The following KLK5 variants were observed in gnomAD, a reference collection of about 807,000 sequenced individuals.
KLK5 encodes the protein kallikrein related peptidase 5.
In KLK5, 18 loss-of-function variants were observed where a neutral mutation model predicts 24.0. The observed-to-expected ratio is 0.75, with a 90% confidence interval of 0.52 to 1.11. The LOEUF (loss-of-function observed/expected upper bound fraction) is 1.11. Among genes scored for constraint, KLK5 ranks in the 50% most tolerant of loss-of-function variants. KLK5 has a pLI of 0.00. For synonymous variants in KLK5, 140 were observed against 154.0 expected (o/e 0.91, Z 0.67); for missense variants, 374 against 379.2 (o/e 0.99, Z 0.11).
chr19:50,946,794 A>C lies in KLK5; in HGVS notation c.726+1846T>G, dbSNP rs542092594. 1.6e-3 allele frequency among the ~76,000 whole-genome samples: 250 copies of C among 151,954 alleles called. 1 individual carries two copies. The highest frequency in any genetic ancestry group is 2.9e-3 in the Non-Finnish European group (195 of 67,944). ...CAGGATGGTCTCCATCTCCTGACCT[A>C]GTGATCCACCCGCCTCGGCCTCCCA... On this transcript the variant is annotated intron_variant, in intron 5 of 5. Transcript: ENST00000336334.
chr19:50,944,503 C>T (rs1487923864), intron 5 of KLK5, among the ~76,000 whole-genome samples: 1 of 152,132 alleles, frequency 6.6e-6, no homozygotes, highest in Non-Finnish European at 1.5e-5. Flanking sequence ...ACTCTCCCCT[C>T]CAGCCTGTGC....
intron 2 of KLK5, 126 bp from the exon 3 acceptor site, chr19:50,950,242 G>A: frequency 2.3e-6 from 2 of 877,722 alleles, no homozygotes; most frequent in Non-Finnish European, 1.8e-6. Context: ...CAGGGGCAGG[G>A]CCTGGAGAAT....
intron 5 of KLK5, among the ~76,000 whole-genome samples, chr19:50,946,620 T>G (rs1019702772): frequency 6.6e-6 from 1 of 151,810 alleles, no homozygotes; most frequent in Non-Finnish European, 1.5e-5. Flanking sequence ...AGTGCAGTGG[T>G]GCAACCTCGG....
intron 2 of KLK5, among the ~76,000 whole-genome samples, chr19:50,951,285 C>G (rs1441038898): frequency 1.3e-5 from 2 of 149,282 alleles, no homozygotes; most frequent in Non-Finnish European, 3.0e-5. Flanking sequence ...TTCTTTTTTT[C>G]TTTCGAGACG....
chr19:50,946,956 C>T (rs2090641384), intron 5 of KLK5, among the ~76,000 whole-genome samples: 2 of 149,838 alleles, frequency 1.3e-5, no homozygotes, highest in South Asian at 2.2e-4. Context: ...GGAGGTGTTG[C>T]ATTTGTCAGG....
chr19:50,943,554 G>A lies in KLK5; in HGVS notation c.*77C>T, dbSNP rs2090606475. ...GAACATTCTCAACATCTCTGGGAAG[G>A]AATGAGGGTCTGAAAGGAGTGTCAG... On this transcript the variant is annotated 3_prime_UTR_variant, in exon 6 of 6. Transcript: ENST00000336334. 2 of 1,319,296 alleles carry A rather than the reference G, an allele frequency of 1.5e-6. No individual in the cohort carries two copies. Among genetic ancestry groups the A allele is most frequent in the African/African-American group, 2.9e-5 (2 of 69,138 alleles). The allele number at this position is 1,319,296 out of a possible 1,614,324, so 81.7% of individuals were successfully genotyped here.
intron 5 of KLK5, among the ~76,000 whole-genome samples, chr19:50,945,737 G>A (rs1332641727): frequency 6.6e-6 from 1 of 151,786 alleles, no homozygotes; most frequent in African/African-American, 2.4e-5. Flanking sequence ...GCTGCAGTGA[G>A]CTGATATGGT....
chr19:50,951,610 A>G (rs2090688524), intron 2 of KLK5, among the ~76,000 whole-genome samples: 1 of 152,050 alleles, frequency 6.6e-6, no homozygotes, highest in Non-Finnish European at 1.5e-5. Context: ...CACCACCATC[A>G]TTCACGAACT....
chr19:50,945,936 C>T (rs191129404), intron 5 of KLK5, among the ~76,000 whole-genome samples: 21 of 152,226 alleles, frequency 1.4e-4, no homozygotes, highest in African/African-American at 4.6e-4. Flanking sequence ...GTCTTGAACT[C>T]CTGAGCTCAA....
chr19:50,949,818 C>G, intron 3 of KLK5, 37 bp downstream of exon 3: 1 of 1,121,392 alleles, frequency 8.9e-7, no homozygotes, highest in Non-Finnish European at 1.2e-6. Flanking sequence ...CCCACTTCCC[C>G]GTCCCCACCA....
In KLK5 at chr19:50,949,954, G is replaced by C; in HGVS notation, c.236C>G (p.Pro79Arg). 1 of 1,613,766 alleles carries C rather than the reference G, an allele frequency of 6.2e-7. No homozygotes were observed. Among genetic ancestry groups the C allele is most frequent in the Non-Finnish European group, 8.5e-7 (1 of 1,179,996 alleles). ...CCTTAGCAACAGCGCGGCCTGCCACGGCTGGGTGTGCATATCGCAGTCGGA... is the reference window on the plus strand; with the variant it reads ...CCTTAGCAACAGCGCGGCCTGCCACCGCTGGGTGTGCATATCGCAGTCGGA... ...NGSDCDMHTQ[P>R]WQAALLLRPN... Residue 79 changes from proline (P) to arginine (R), a missense_variant, in exon 3 of 6, where the codon CCG becomes CGG. Coordinates refer to ENST00000336334, the MANE Select transcript of KLK5 (RefSeq NM_012427.5).
Position 50,949,971 on chromosome 19 carries a change from G to A in KLK5, c.219C>T (p.Cys73=), listed in dbSNP as rs2090671756. The change falls in exon 3 of 6, where the codon TGC becomes TGT. Residue 73 remains cysteine (C), a synonymous_variant. Transcript: ENST00000336334. Reference sequence around the variant, plus strand: ...CCTGCCACGGCTGGGTGTGCATATCGCAGTCGGATCCATTGATGATGCGGC... The same window carrying A: ...CCTGCCACGGCTGGGTGTGCATATCACAGTCGGATCCATTGATGATGCGGC... ...SSSRIINGSD[C]DMHTQPWQAA... is the part of the protein sequence containing the mutation. 3 of 1,613,766 alleles carry A rather than the reference G, an allele frequency of 1.9e-6. No homozygotes were observed. Among genetic ancestry groups the A allele is most frequent in the African/African-American group, 1.3e-5 (1 of 74,900 alleles).
At position 50,945,084 on chromosome 19, in the gene KLK5, T is replaced by TCTCCTTCCTC. The variant is rs1568526348; in HGVS notation, c.727-1299_727-1298insGAGGAAGGAG. 1.6e-4 allele frequency among the ~76,000 whole-genome samples: 23 copies of TCTCCTTCCTC among 144,004 alleles called. No individual in the cohort carries two copies. In the South Asian group the frequency reaches 3.0e-3, roughly 19 times the overall value. 94.5% of individuals were successfully genotyped at this position (144,004 alleles called of 152,430 possible). A position where few individuals can be genotyped will look rare whatever the true frequency, so the allele number is the denominator to read the frequency against. Reference sequence around the variant, plus strand: ...TCTCCTTCCTTCCTTCCTTTCTCTCTCCTTCCTCCCTTCGTCTCTTTTTTT... The same window carrying TCTCCTTCCTC: ...TCTCCTTCCTTCCTTCCTTTCTCTCTCTCCTTCCTCCCTTCCTCCCTTCGTCTCTTTTTTT... On this transcript the variant is annotated intron_variant, in intron 5 of 5. Transcript: ENST00000336334.
chr19:50,951,221 C>G (rs1176606709), intron 2 of KLK5, among the ~76,000 whole-genome samples: 1 of 152,100 alleles, frequency 6.6e-6, no homozygotes, highest in Non-Finnish European at 1.5e-5. Context: ...CATGCATGCC[C>G]CACTCCATCA....
chr19:50,948,852 C>T lies in KLK5; in HGVS notation c.592+7G>A, dbSNP rs367616428. The T allele has an allele frequency of 3.1e-6, 5 of 1,614,074 alleles. No individual in the cohort carries two copies. In the African/African-American group the frequency reaches 5.3e-5, roughly 17 times the overall value. ...GGGTCGGTATCAAGAAGAACCTGGACACTCACCTTGGGGGCTCTTGGTTGT... is the reference window on the plus strand; with the variant it reads ...GGGTCGGTATCAAGAAGAACCTGGATACTCACCTTGGGGGCTCTTGGTTGT... On this transcript the variant is annotated splice_region_variant and intron_variant, in intron 4 of 5. Transcript: ENST00000336334.
At chr19:50,949,793 T>TACCCCG (rs2090668616) in intron 3 of KLK5, 62 bp downstream of exon 3, 1 of 89,906 alleles carries the variant, frequency 1.1e-5, no homozygotes, top group Non-Finnish European at 1.9e-5. Context: ...CCACCCCCAC[T>TACCCCG]TCCCCACCCC....
intron 5 of KLK5, among the ~76,000 whole-genome samples, chr19:50,946,582 C>T (rs1426617291): frequency 1.0e-4 from 15 of 150,424 alleles, no homozygotes; most frequent in Non-Finnish European, 1.3e-4. Context: ...TTTTTTGAGA[C>T]GGAGTCTCAC....
rs377048100 is a variant in KLK5 at position 50,946,592 on chromosome 19, C to T, written c.726+2048G>A. ...TTTTTTTTTTTGAGACGGAGTCTCA[C>T]TGTGTTGCCCAGGCTGGAGTGCAGT... On this transcript the variant is annotated intron_variant, in intron 5 of 5. Coordinates refer to ENST00000336334, the MANE Select transcript of KLK5 (RefSeq NM_012427.5). Among the ~76,000 whole-genome samples, 12 of 151,688 alleles carry T rather than the reference C, an allele frequency of 7.9e-5. 1 individual carries two copies. The South Asian group carries it at 1.7e-3, about 21-fold the overall frequency.
At chr19:50,944,025 A>G (rs1163522392) in intron 5 of KLK5, among the ~76,000 whole-genome samples, 2 of 150,774 alleles carry the variant, frequency 1.3e-5, no homozygotes, top group African/African-American at 4.9e-5. Context: ...TTTTTTTGAG[A>G]TGGAGTCTTA....
Sources: gnomAD v4.1 joint callset for allele counts (sites outside exome capture counted in the v4.1 genomes callset) on GRCh38, gnomAD v4.1.1 for gene constraint, MANE v1.5 for transcripts, NCBI Gene and HGNC (gene_info 2026-07-23, HGNC 2026-07-21) for gene names.